Variants in PIGS observed in about 807,000 individuals in gnomAD.
PIGS encodes the protein GPI-anchor transamidase component PIGS.
In PIGS, 37 loss-of-function variants were observed where a neutral mutation model predicts 58.2. That is an observed-to-expected ratio of 0.64 (90% CI 0.49 to 0.84). The LOEUF (loss-of-function observed/expected upper bound fraction) is 0.84. Among genes scored for constraint, PIGS ranks in the 40% least tolerant of loss-of-function variants. The probability of loss-of-function intolerance (pLI) is 0.00; values close to 1 mark genes in which losing one functional copy is unlikely to be tolerated. For synonymous variants in PIGS, 269 were observed against 289.2 expected, an observed-to-expected ratio of 0.93 and a Z score of 0.71; for missense variants, 629 against 710.8, an observed-to-expected ratio of 0.88 and a Z score of 1.31.
At chr17:28,571,315 G>C (rs934249907) in intron 1 of PIGS, 127 bp from the exon 2 acceptor site, 2 of 1,513,768 alleles carry the variant, frequency 1.3e-6, no homozygotes, top group Non-Finnish European at 1.8e-6. Flanking sequence ...CGTGCGAAGG[G>C]ACCCGGCCCA....
At position 28,563,820 on chromosome 17, in the gene PIGS, T is replaced by G. The variant is rs774338315; in HGVS notation, c.374A>C (p.Gln125Pro). 11 of 1,612,220 alleles carry G rather than the reference T, an allele frequency of 6.8e-6. No individual in the cohort carries two copies. The highest frequency in any genetic ancestry group is 3.3e-4 in the Middle Eastern group (2 of 6,082). ...EEEALSSGSV[Q>P]EAEAMLDEPQ... ...GGTGTGCTCATCCCTTCCCATACCT[T>G]GCACACTGCCCGATGACAGGGCCTC... Residue 125 changes from glutamine (Q) to proline (P), a missense_variant and splice_region_variant, in exon 4 of 12, where the codon CAA (glutamine) becomes CCA (proline). Physicochemically the swap from Gln to Pro is moderately conservative, Grantham distance 76 (BLOSUM62 -1). Transcript: ENST00000308360.
intron 5 of PIGS, among the ~76,000 whole-genome samples, chr17:28,562,999 C>CA (rs2070372957): frequency 6.6e-6 from 1 of 152,164 alleles, no homozygotes; most frequent in Admixed American, 6.5e-5. Context: ...CAGACCCAGC[C>CA]AGCATTCTTT....
In PIGS at chr17:28,568,530, C is replaced by T. The variant is rs74428457; in HGVS notation, c.286+2322G>A. ...AAATGAACAACGCTATTACTATTTC[C>T]GTCTAACAGATGAGGAAACCAAGGT... On this transcript the variant is annotated intron_variant, in intron 3 of 11. Transcript: ENST00000308360. 9.9e-3 allele frequency among the ~76,000 whole-genome samples: 1,508 copies of T among 152,244 alleles called. 30 individuals carry two copies. The highest frequency in any genetic ancestry group is 0.035 in the African/African-American group (1,438 of 41,538).
At position 28,553,884 on chromosome 17, in the gene PIGS, G is replaced by T. The variant is rs3744633; in HGVS notation, c.*336C>A. ...TTTCCCATAATGCTCCCTCCTCTCA[G>T]TGCACAAGTGTGCTATGTTGAGAAA... On this transcript the variant is annotated 3_prime_UTR_variant, in exon 12 of 12. Transcript: ENST00000308360. 1.1e-3 allele frequency: 368 copies of T among 330,290 alleles called. 7 individuals carry two copies. In the East Asian group the frequency reaches 0.025, roughly 23 times the overall value. The allele number at this position is 330,290 out of a possible 1,614,324, so 20.5% of individuals were successfully genotyped here.
rs111284765 is a variant in PIGS, at chr17:28,554,866, G to A, written c.1377C>T (p.Asp459=). 54 of 1,614,144 alleles carry A rather than the reference G, an allele frequency of 3.3e-5. No homozygotes were observed. Among genetic ancestry groups the A allele is most frequent in the African/African-American group, 1.7e-4 (13 of 75,032 alleles). ...LGKISNIVIK[D]DVASEVYKAV... is the part of the protein sequence containing the mutation. ...GCCTGCTTACCTCAGATGCCACGTCGTCCTTAATGACAATGTTGCTGATCT... is the reference window on the plus strand; with the variant it reads ...GCCTGCTTACCTCAGATGCCACGTCATCCTTAATGACAATGTTGCTGATCT... Residue 459 remains aspartate (D), a synonymous_variant, in exon 11 of 12, where the codon GAC becomes GAT. Transcript: ENST00000308360.
In PIGS at chr17:28,553,907, A is replaced by G; in HGVS notation, c.*313T>C. On this transcript the variant is annotated 3_prime_UTR_variant, in exon 12 of 12. Coordinates refer to ENST00000308360, the MANE Select transcript of PIGS (RefSeq NM_033198.4). ...CAGTGCACAAGTGTGCTATGTTGAG[A>G]AATGGGGCAAAAGAACAAACAGTCC... 1 of 386,672 alleles carries G rather than the reference A, an allele frequency of 2.6e-6. No individual in the cohort carries two copies. The allele number at this position is 386,672 out of a possible 1,614,324, so 24.0% of individuals were successfully genotyped here. A position where few individuals can be genotyped will look rare whatever the true frequency, so the allele number is the denominator to read the frequency against.
Position 28,571,450 on chromosome 17 carries a change from A to G in PIGS, c.34+13T>C. ...CAGCTAGCTGCAGGCCCCCCACCCG[A>G]AGCCCACCGCACCTAGGTGTGTAGC... On this transcript the variant is annotated intron_variant, in intron 1 of 11. Coordinates refer to ENST00000308360, the MANE Select transcript of PIGS (RefSeq NM_033198.4). 1 of 1,610,130 alleles carries G rather than the reference A, an allele frequency of 6.2e-7. No homozygotes were observed.
intron 3 of PIGS, among the ~76,000 whole-genome samples, chr17:28,565,924 A>G (rs2070391353): frequency 6.6e-6 from 1 of 152,124 alleles, no homozygotes; most frequent in African/African-American, 2.4e-5. Context: ...CTAGCTACTC[A>G]GGAGGCTGAG....
At chr17:28,564,664 G>A (rs1461649749) in intron 3 of PIGS, among the ~76,000 whole-genome samples, 5 of 149,032 alleles carry the variant, frequency 3.4e-5, no homozygotes, top group Admixed American at 6.7e-5. Flanking sequence ...GCAGTGAGCC[G>A]AGATCACACC....
chr17:28,556,978 G>C lies in PIGS; in HGVS notation c.935-6C>G, dbSNP rs373626354. On this transcript the variant is annotated splice_polypyrimidine_tract_variant and splice_region_variant and intron_variant, in intron 8 of 11. Transcript: ENST00000308360. ...CAAGGAGGCAGCACTGGATCCTGTGGTATAAAGGGAAAGCAGAATATCAAA... is the reference window on the plus strand; with the variant it reads ...CAAGGAGGCAGCACTGGATCCTGTGCTATAAAGGGAAAGCAGAATATCAAA... The C allele has an allele frequency of 1.2e-6, 2 of 1,613,766 alleles. No homozygotes were observed. Among genetic ancestry groups the C allele is most frequent in the East Asian group, 4.5e-5 (2 of 44,870 alleles).
At position 28,556,147 on chromosome 17, in the gene PIGS, G is replaced by A. The variant is rs1336096296; in HGVS notation, c.1181+19C>T. 2 of 1,590,848 alleles carry A rather than the reference G, an allele frequency of 1.3e-6. No individual in the cohort carries two copies. Among genetic ancestry groups the A allele is most frequent in the South Asian group, 2.2e-5 (2 of 90,552 alleles). ...AGCCAAGGAGACTATGTCCCCAAGT[G>A]GATCATCCAGGACCTCACCGCAACT... On this transcript the variant is annotated intron_variant, in intron 10 of 11. Transcript: ENST00000308360.
chr17:28,571,455 C>G lies in PIGS; in HGVS notation c.34+8G>C. ...AGCTGCAGGCCCCCCACCCGAAGCC[C>G]ACCGCACCTAGGTGTGTAGCCGCAG... is the stretch of plus-strand genomic sequence containing the variant. On this transcript the variant is annotated splice_region_variant and intron_variant, in intron 1 of 11. Coordinates refer to ENST00000308360, the MANE Select transcript of PIGS (RefSeq NM_033198.4). The G allele has an allele frequency of 6.2e-7, 1 of 1,610,328 alleles. No individual in the cohort carries two copies. The highest frequency in any genetic ancestry group is 1.1e-5 in the South Asian group (1 of 90,508).
chr17:28,555,913 G>A (rs558622826), intron 10 of PIGS: 43 of 366,820 alleles, frequency 1.2e-4, no homozygotes, highest in African/African-American at 8.7e-4. Context: ...AGGTTGCAGT[G>A]AGCCAAAATG....
chr17:28,554,448 C>T lies in PIGS; in HGVS notation c.1440G>A (p.Ala480=), dbSNP rs756460205. The part of the protein sequence containing the change: ...AAVQKSAEEL[A]SGHLASAFVA... ...CAAAGGCAGATGCCAGGTGCCCAGA[C>T]GCCAACTCTTCTGCCGACTTCTGGA... Residue 480 remains alanine (A), a synonymous_variant, in exon 12 of 12, where the codon GCG becomes GCA. Coordinates refer to ENST00000308360, the MANE Select transcript of PIGS (RefSeq NM_033198.4). 20 of 1,614,162 alleles carry T rather than the reference C, an allele frequency of 1.2e-5. No individual in the cohort carries two copies. Among genetic ancestry groups the T allele is most frequent in the Middle Eastern group, 1.6e-4 (1 of 6,062 alleles).
In PIGS at chr17:28,553,587, G is replaced by A. The variant is rs1231700063; in HGVS notation, c.*633C>T. ...TCCAGACAATAAGTGCAAAAACAAG[G>A]ATTTGAATTCAGGACTGTTTGATTC... On this transcript the variant is annotated 3_prime_UTR_variant, in exon 12 of 12. Transcript: ENST00000308360. The A allele has an allele frequency of 4.6e-5, 7 of 152,520 alleles. No individual in the cohort carries two copies. The highest frequency in any genetic ancestry group is 3.9e-4 in the Admixed American group (6 of 15,256). 9.4% of individuals were successfully genotyped at this position (152,520 alleles called of 1,614,324 possible).
chr17:28,555,935 C>T (rs1241080687), intron 10 of PIGS: 4 of 447,506 alleles, frequency 8.9e-6, no homozygotes, highest in Non-Finnish European at 1.6e-5. Flanking sequence ...CACCACTGCA[C>T]TCCGGCCTGG....
At chr17:28,571,440 C>T (rs1179028377) in intron 1 of PIGS, 23 bp downstream of exon 1, 1 of 1,609,130 alleles carries the variant, frequency 6.2e-7, no homozygotes, top group Non-Finnish European at 8.5e-7. Context: ...AGCTGCAGGC[C>T]CCCCACCCGA....
At chr17:28,565,768 G>A (rs1234516490) in intron 3 of PIGS, among the ~76,000 whole-genome samples, 2 of 152,140 alleles carry the variant, frequency 1.3e-5, no homozygotes, top group African/African-American at 4.8e-5. Flanking sequence ...ACTGGCTCAC[G>A]CTTGTAATCC....
intron 3 of PIGS, among the ~76,000 whole-genome samples, chr17:28,564,820 A>G (rs1038101901): frequency 6.6e-6 from 1 of 152,064 alleles, no homozygotes; most frequent in African/African-American, 2.4e-5. Flanking sequence ...CAGAGGTTGC[A>G]GTGACCTGAG....
Sources: allele counts gnomAD v4.1 joint callset (sites outside exome capture counted in the v4.1 genomes callset), GRCh38; gene constraint gnomAD v4.1.1; transcripts MANE v1.5; gene names NCBI Gene and HGNC (gene_info 2026-07-23, HGNC 2026-07-21).